ARID1B: variants seen among roughly 807,000 people sequenced by gnomAD.
ARID1B encodes the protein AT-rich interaction domain 1B.
Under a neutral mutation model 212.3 loss-of-function variants are expected in ARID1B, and 30 were observed. The observed-to-expected ratio is 0.14, with a 90% CI of 0.11 to 0.19. ARID1B has a LOEUF of 0.19. Ranked by LOEUF, ARID1B falls within the 10% of genes least tolerant of loss-of-function variation. The pLI is 1.00. For missense variants in ARID1B, 2,891 were observed against 3,204.0 expected (o/e 0.90, Z 2.36); for synonymous variants, 1,402 against 1,301.7 (o/e 1.08, Z -1.66).
chr6:157,090,654 A>G (rs1038706056), intron 5 of ARID1B, among the ~76,000 whole-genome samples: 2 of 152,238 alleles, frequency 1.3e-5, no homozygotes, highest in Non-Finnish European at 2.9e-5. Flanking sequence ...ATATGAAAGT[A>G]GAACCCTTTT....
At chr6:156,825,396 A>C (rs1562414384) in intron 1 of ARID1B, among the ~76,000 whole-genome samples, 1 of 152,252 alleles carries the variant, frequency 6.6e-6, no homozygotes, top group Non-Finnish European at 1.5e-5. Context: ...TGAGAGGTTC[A>C]GATAATCTGT....
At chr6:157,079,077 T>C (rs1379786764) in intron 4 of ARID1B, among the ~76,000 whole-genome samples, 1 of 152,222 alleles carries the variant, frequency 6.6e-6, no homozygotes, top group Non-Finnish European at 1.5e-5. Flanking sequence ...CTGTACATAC[T>C]GTCACATAAT....
intron 4 of ARID1B, among the ~76,000 whole-genome samples, chr6:157,069,304 A>G (rs77750900): frequency 0.015 from 2,250 of 152,198 alleles, 56 homozygotes; most frequent in African/African-American, 0.052. Context: ...TGCATTTACT[A>G]TTTATTGCTG....
chr6:157,050,048 A>C (rs150718215), intron 4 of ARID1B, among the ~76,000 whole-genome samples: 95 of 152,226 alleles, frequency 6.2e-4, no homozygotes, highest in African/African-American at 2.1e-3. Flanking sequence ...GCACCAGCAA[A>C]AGGAAGAGAG....
intron 4 of ARID1B, among the ~76,000 whole-genome samples, chr6:156,971,773 A>G (rs993699405): frequency 3.9e-5 from 6 of 152,088 alleles, no homozygotes; most frequent in Non-Finnish European, 5.9e-5. Context: ...CCAGCCAGAG[A>G]GTCTCTCTGA....
intron 2 of ARID1B, among the ~76,000 whole-genome samples, chr6:156,885,545 A>C (rs1342765557): frequency 6.6e-6 from 1 of 152,164 alleles, no homozygotes; most frequent in South Asian, 2.1e-4. Context: ...TAAAATGTCA[A>C]CATCCTATAT....
Position 156,829,245 on chromosome 6 carries a change from A to G in ARID1B, c.1810A>G (p.Met604Val), listed in dbSNP as rs147794292. ...TTCACAGGGCAGCCCAATGGATCCA[A>G]TGGTGATGAAGAGACCTCAGTTGTA... is the stretch of plus-strand genomic sequence containing the variant. ...GRSQGSPMDPMVMKRPQLYGM... is the reference protein window; with the variant it reads ...GRSQGSPMDPVVMKRPQLYGM... Residue 604 changes from methionine to valine, a missense_variant, in exon 2 of 20, where the codon ATG becomes GTG. Physicochemically the swap from Met to Val is conservative, Grantham distance 21. Coordinates refer to ENST00000636930, the MANE Select transcript of ARID1B (RefSeq NM_001374828.1). The G allele has an allele frequency of 8.9e-5, 144 of 1,613,956 alleles. 1 individual carries two copies. Among genetic ancestry groups the G allele is most frequent in the Admixed American group, 2.5e-4 (15 of 59,986 alleles).
intron 2 of ARID1B, among the ~76,000 whole-genome samples, chr6:156,897,048 G>A (rs1449963897): frequency 4.6e-5 from 7 of 152,028 alleles, no homozygotes; most frequent in South Asian, 2.1e-4. Flanking sequence ...TAGTACTTGC[G>A]TTCTTTATTG....
Position 156,813,249 on chromosome 6 carries a change from G to T in ARID1B, c.1792-15978G>T, listed in dbSNP as rs562247776. ...CTCCCGAGTAGCTACAACTGTAGGC[G>T]CATGCTGCCACGCCCTGCTAATTTT... On this transcript the variant is annotated intron_variant, in intron 1 of 19. Coordinates refer to ENST00000636930, the MANE Select transcript of ARID1B (RefSeq NM_001374828.1). Among the ~76,000 whole-genome samples, 91 of 150,338 alleles carry T rather than the reference G, an allele frequency of 6.1e-4. 1 individual carries two copies. The highest frequency in any genetic ancestry group is 3.2e-3 in the Admixed American group (48 of 15,118).
chr6:156,816,380 CTTTAAT>C (rs1781964938), intron 1 of ARID1B, among the ~76,000 whole-genome samples: 2 of 152,082 alleles, frequency 1.3e-5, no homozygotes, highest in South Asian at 4.1e-4. Flanking sequence ...ACTTGGGTTT[CTTTAAT>C]TTTGTTTTTT....
chr6:157,105,610 A>T (rs903637706), intron 5 of ARID1B, among the ~76,000 whole-genome samples: 4 of 152,176 alleles, frequency 2.6e-5, no homozygotes, highest in Non-Finnish European at 4.4e-5. Flanking sequence ...TTTTATTTTT[A>T]ATTTTTTTTG....
chr6:156,979,357 TA>T (rs1351976656), intron 4 of ARID1B, among the ~76,000 whole-genome samples: 1 of 152,222 alleles, frequency 6.6e-6, no homozygotes, highest in Non-Finnish European at 1.5e-5. Flanking sequence ...GACTCAGCTT[TA>T]AACTCTTCAT....
chr6:157,084,003 A>T (rs942528769), intron 4 of ARID1B, among the ~76,000 whole-genome samples: 1 of 151,826 alleles, frequency 6.6e-6, no homozygotes, highest in African/African-American at 2.4e-5. Context: ...GTGTGGTGGC[A>T]GGTGCCTGTA....
intron 15 of ARID1B, among the ~76,000 whole-genome samples, chr6:157,191,308 A>T (rs1793353295): frequency 6.6e-6 from 1 of 152,052 alleles, no homozygotes; most frequent in African/African-American, 2.4e-5. Flanking sequence ...GGGAGAAGCT[A>T]ACCGTGACTG....
chr6:157,181,286 T>C, intron 12 of ARID1B, 108 bp downstream of exon 12: 10 of 1,374,224 alleles, frequency 7.3e-6, no homozygotes, highest in African/African-American at 1.4e-5. Flanking sequence ...AAGGAAAAGC[T>C]AAGCCTGTGT....
intron 4 of ARID1B, among the ~76,000 whole-genome samples, chr6:156,950,838 C>G (rs1793531227): frequency 6.6e-6 from 1 of 152,146 alleles, no homozygotes; most frequent in Non-Finnish European, 1.5e-5. Context: ...ATCATACTTA[C>G]TGTTACCAGT....
chr6:157,207,897 G>GT lies in ARID1B; in HGVS notation c.*7dup. ...TTCAGATTGGGCAGTTATGACATAA[G>GT]TGAGAAGGCAAGCATGTGTGAGTGA... On this transcript the variant is annotated 3_prime_UTR_variant, in exon 20 of 20. Coordinates refer to ENST00000636930, the MANE Select transcript of ARID1B (RefSeq NM_001374828.1). The surrounding 1 kb of genome is among the most constrained non-coding windows in gnomAD (Gnocchi z 8.5). 1 of 1,482,218 alleles carries GT rather than the reference G, an allele frequency of 6.7e-7. No individual in the cohort carries two copies. Among genetic ancestry groups the GT allele is most frequent in the Non-Finnish European group, 9.0e-7 (1 of 1,113,208 alleles). 91.8% of individuals were successfully genotyped at this position (1,482,218 alleles called of 1,614,324 possible). A position where few individuals can be genotyped will look rare whatever the true frequency, so the allele number is the denominator to read the frequency against.
At chr6:156,945,157 G>GA (rs1347171784) in intron 4 of ARID1B, among the ~76,000 whole-genome samples, 1 of 127,172 alleles carries the variant, frequency 7.9e-6, no homozygotes, top group Non-Finnish European at 1.6e-5. Context: ...GGATGGTCTT[G>GA]ATCTCCTGAC....
Position 157,206,361 on chromosome 6 carries a change from CGACGAGGAA to C in ARID1B, c.5598_5606del (p.Asp1870_Glu1872del), listed in dbSNP as rs1562351526. ...AGGAAGATGCTGAATGTATTGATGA[CGACGAGGAA>C]GACGAGGAGGATGAGGAGGAAGACA... On this transcript the variant is annotated inframe_deletion, in exon 20 of 20. Transcript: ENST00000636930. The surrounding 1 kb of genome is among the most constrained non-coding windows in gnomAD (Gnocchi z 6.8). The C allele has an allele frequency of 6.2e-7, 1 of 1,604,796 alleles. No individual in the cohort carries two copies. Among genetic ancestry groups the C allele is most frequent in the African/African-American group, 1.3e-5 (1 of 74,972 alleles).
Sources: gnomAD v4.1 joint callset for allele counts (sites outside exome capture counted in the v4.1 genomes callset) on GRCh38, gnomAD v4.1.1 for gene constraint, Gnocchi (gnomAD v3.1) non-coding constraint, MANE v1.5 for transcripts, NCBI Gene and HGNC (gene_info 2026-07-23, HGNC 2026-07-21) for gene names.